The following NWD2 variants were observed in gnomAD, a reference collection of about 807,000 sequenced individuals.
NWD2 encodes NACHT and WD repeat domain-containing protein 2.
In NWD2, 37 loss-of-function variants were observed where a neutral mutation model predicts 132.7. The ratio of observed to expected loss-of-function variants is 0.28; its 90% CI spans 0.21 to 0.37. NWD2 has a LOEUF of 0.37. NWD2 is among the 10% of genes least tolerant of loss of function. NWD2 has a pLI of 1.00. For missense variants in NWD2, 1,592 were observed against 2,122.4 expected (o/e 0.75, Z 4.91); for synonymous variants, 705 against 803.0 (o/e 0.88, Z 2.06).
At chr4:37,415,091 G>C (rs1039873493) in intron 3 of NWD2, among the ~76,000 whole-genome samples, 1 of 152,144 alleles carries the variant, frequency 6.6e-6, no homozygotes, top group African/African-American at 2.4e-5. Context: ...GGCAATTTAG[G>C]CATTTGTTTT....
chr4:37,372,612 C>CG (rs1251581308), intron 3 of NWD2, among the ~76,000 whole-genome samples: 1 of 152,190 alleles, frequency 6.6e-6, no homozygotes. Context: ...CTACTAGTAA[C>CG]TCAACGTTTT....
At chr4:37,398,116 A>G (rs1720834793) in intron 3 of NWD2, among the ~76,000 whole-genome samples, 1 of 152,220 alleles carries the variant, frequency 6.6e-6, no homozygotes, top group Non-Finnish European at 1.5e-5. Context: ...AAAGCACTCT[A>G]TTCAAACATC....
intron 1 of NWD2, among the ~76,000 whole-genome samples, chr4:37,256,508 C>T (rs1329728044): frequency 1.3e-5 from 2 of 152,054 alleles, no homozygotes; most frequent in Non-Finnish European, 2.9e-5. Flanking sequence ...AGAGATCACA[C>T]TCGATTGATG....
At chr4:37,308,165 T>G (rs1718749117) in intron 1 of NWD2, among the ~76,000 whole-genome samples, 1 of 152,242 alleles carries the variant, frequency 6.6e-6, no homozygotes, top group Admixed American at 6.5e-5. Flanking sequence ...TTAATTTTCC[T>G]TGCTTTTTCA....
intron 2 of NWD2, among the ~76,000 whole-genome samples, chr4:37,326,680 T>C (rs530924836): frequency 1.3e-5 from 2 of 152,286 alleles, no homozygotes; most frequent in South Asian, 4.1e-4. Flanking sequence ...AATAAATGGC[T>C]CCTGCAACAG....
In NWD2 at chr4:37,260,773, T is replaced by TA. The variant is rs1428117553; in HGVS notation, c.151+15561dup. Among the ~76,000 whole-genome samples, 12 of 152,248 alleles carry TA rather than the reference T, an allele frequency of 7.9e-5. No homozygotes were observed. The East Asian group carries it at 2.1e-3, about 27-fold the overall frequency. ...GATGAGACTATTAGATTGATTTTTT[T>TA]AAAAAACATCATTGAGTTTGGGATA... is the stretch of plus-strand genomic sequence containing the variant. On this transcript the variant is annotated intron_variant, in intron 1 of 6. Transcript: ENST00000309447.
chr4:37,342,151 A>C (rs770640539), intron 2 of NWD2, among the ~76,000 whole-genome samples: 5 of 152,184 alleles, frequency 3.3e-5, no homozygotes, highest in Admixed American at 6.5e-5. Flanking sequence ...TGTTTGGGTC[A>C]CAGAGGCGAA....
intron 2 of NWD2, among the ~76,000 whole-genome samples, chr4:37,327,481 G>A (rs1166636042): frequency 1.3e-5 from 2 of 152,124 alleles, no homozygotes; most frequent in Non-Finnish European, 2.9e-5. Flanking sequence ...AGAGTACACC[G>A]CAGTGGGCAG....
intron 1 of NWD2, among the ~76,000 whole-genome samples, chr4:37,307,087 A>G (rs114519646): frequency 7.9e-5 from 12 of 151,936 alleles, no homozygotes; most frequent in African/African-American, 2.9e-4. Context: ...TAGCTTTAGG[A>G]TGAAATGTTC....
chr4:37,244,959 G>A lies in NWD2; in HGVS notation c.-109G>A, dbSNP rs933205400. 7.0e-6 allele frequency: 10 copies of A among 1,427,442 alleles called. No homozygotes were observed. The African/African-American group carries it at 1.4e-4, about 21-fold the overall frequency. The allele number at this position is 1,427,442 out of a possible 1,614,324, so 88.4% of individuals were successfully genotyped here. ...CGGGCTCGGAGCGGCTCTGAGCCGC[G>A]CCGCCTGCTGAGATCGACCGCCTGC... On this transcript the variant is annotated 5_prime_UTR_variant, in exon 1 of 7. Coordinates refer to ENST00000309447, the MANE Select transcript of NWD2 (RefSeq NM_001144990.2). The surrounding 1 kb of genome is among the most constrained non-coding windows in gnomAD (Gnocchi z 5.5).
intron 3 of NWD2, among the ~76,000 whole-genome samples, chr4:37,357,536 T>C (rs1377233089): frequency 1.3e-5 from 2 of 152,148 alleles, no homozygotes; most frequent in Non-Finnish European, 2.9e-5. Context: ...AGTGCTACCG[T>C]GTGCCAAGGG....
At position 37,444,205 on chromosome 4, in the gene NWD2, C is replaced by T. The variant is rs1295873583; in HGVS notation, c.2217C>T (p.Leu739=). 6.4e-6 allele frequency: 10 copies of T among 1,551,544 alleles called. No individual in the cohort carries two copies. Among genetic ancestry groups the T allele is most frequent in the East Asian group, 2.4e-5 (1 of 40,928 alleles). The stretch of plus-strand genomic sequence containing the variant: ...TCTGGGCCAACAGACACCTGCAGCT[C>T]ATAGCCCAGAAGCTATATCTGCAGG... ...LLVWANRHLQ[L]IAQKLYLQDD... is the part of the protein sequence containing the mutation. Residue 739 remains leucine (L), a synonymous_variant, in exon 7 of 7, where the codon CTC becomes CTT. Transcript: ENST00000309447. The surrounding 1 kb of genome is among the most constrained non-coding windows in gnomAD (Gnocchi z 4.8).
rs149832523 is a variant in NWD2 at position 37,298,850 on chromosome 4, C to A, written c.152-27086C>A. The stretch of plus-strand genomic sequence containing the variant: ...TATGATGATGATGAGAGTGGTAGTA[C>A]AGCCAAGCTTTACTGGAAAGTTATG... On this transcript the variant is annotated intron_variant, in intron 1 of 6. Transcript: ENST00000309447. Among the ~76,000 whole-genome samples the A allele has an allele frequency of 1.2e-4, 18 of 152,172 alleles. No homozygotes were observed. In the East Asian group the frequency reaches 2.9e-3, roughly 25 times the overall value.
rs372944931 is a variant in NWD2 at position 37,369,928 on chromosome 4, C to T, written c.357+13446C>T. Among the ~76,000 whole-genome samples the T allele has an allele frequency of 5.9e-5, 9 of 152,226 alleles. No homozygotes were observed. In the South Asian group the frequency reaches 1.5e-3, roughly 25 times the overall value. On this transcript the variant is annotated intron_variant, in intron 3 of 6. Transcript: ENST00000309447. Reference sequence around the variant, plus strand: ...TTTGTGGGACTTCTCCATTGTATGGCCCTTTCTGTATTCTCAGCTGTACAT... The same window carrying T: ...TTTGTGGGACTTCTCCATTGTATGGTCCTTTCTGTATTCTCAGCTGTACAT...
At chr4:37,418,631 C>CA (rs35289113) in intron 3 of NWD2, among the ~76,000 whole-genome samples, 2 of 142,478 alleles carry the variant, frequency 1.4e-5, no homozygotes, top group African/African-American at 5.0e-5. Flanking sequence ...ATCTTTCTCC[C>CA]AAAAAAAAAA....
At chr4:37,442,443 G>T (rs1327180924) in intron 6 of NWD2, among the ~76,000 whole-genome samples, 1 of 152,134 alleles carries the variant, frequency 6.6e-6, no homozygotes, top group Non-Finnish European at 1.5e-5. Flanking sequence ...AGTCAGGTAT[G>T]ACTTCTACTC....
rs1362749571 is a variant in NWD2 at position 37,430,783 on chromosome 4, G to C, written c.561+8G>C. 6.5e-7 allele frequency: 1 copy of C among 1,549,974 alleles called. No homozygotes were observed. Among genetic ancestry groups the C allele is most frequent in the African/African-American group, 1.4e-5 (1 of 72,972 alleles). Reference sequence around the variant, plus strand: ...AGAAGCAATAGAAATGCAGTAAGCTGCCTTTCCCTCAAGCCTATGGATCTG... The same window carrying C: ...AGAAGCAATAGAAATGCAGTAAGCTCCCTTTCCCTCAAGCCTATGGATCTG... On this transcript the variant is annotated splice_region_variant and intron_variant, in intron 4 of 6. Coordinates refer to ENST00000309447, the MANE Select transcript of NWD2 (RefSeq NM_001144990.2).
chr4:37,363,350 C>G (rs991612587), intron 3 of NWD2, among the ~76,000 whole-genome samples: 3 of 152,200 alleles, frequency 2.0e-5, no homozygotes, highest in African/African-American at 7.2e-5. Flanking sequence ...GACACATGTA[C>G]TCACATGTTC....
intron 1 of NWD2, among the ~76,000 whole-genome samples, chr4:37,274,780 C>T (rs545962238): frequency 2.0e-4 from 30 of 152,034 alleles, no homozygotes; most frequent in East Asian, 5.8e-4. Context: ...GTTCAACATA[C>T]GCAAATCAAT....
Sources: allele counts gnomAD v4.1 joint callset (sites outside exome capture counted in the v4.1 genomes callset), GRCh38; gene constraint gnomAD v4.1.1; non-coding constraint Gnocchi (gnomAD v3.1); transcripts MANE v1.5; gene names NCBI Gene and HGNC (gene_info 2026-07-23, HGNC 2026-07-21).